ROS1: variants seen among roughly 807,000 people sequenced by gnomAD.
ROS1 encodes the protein proto-oncogene tyrosine-protein kinase ROS.
Under a neutral mutation model 273.5 loss-of-function variants are expected in ROS1, and 263 were observed. The ratio of observed to expected loss-of-function variants is 0.96; its 90% CI spans 0.87 to 1.06. The LOEUF (loss-of-function observed/expected upper bound fraction) is 1.06, where lower values mean the gene tolerates loss of function less well. Ranked by LOEUF, ROS1 falls within the 50% of genes least tolerant of loss-of-function variation. The pLI is 0.00. For synonymous variants in ROS1, 1,008 were observed against 954.1 expected (o/e 1.06, Z -1.04); for missense variants, 2,833 against 2,751.1 (o/e 1.03, Z -0.67).
chr6:117,390,858 G>A (rs1773011858), intron 12 of ROS1, among the ~76,000 whole-genome samples: 1 of 152,000 alleles, frequency 6.6e-6, no homozygotes, highest in East Asian at 1.9e-4. Context: ...TTTTAATAAT[G>A]AAAAAGAAAA....
chr6:117,321,712 C>T (rs1023654967), intron 35 of ROS1, among the ~76,000 whole-genome samples: 21 of 151,630 alleles, frequency 1.4e-4, no homozygotes, highest in Non-Finnish European at 2.2e-4. Flanking sequence ...CACCCATAAA[C>T]GAGTCAAAAT....
rs1337640959 is a variant in ROS1, at chr6:117,403,203, G to A, written c.540C>T (p.Ile180=). ...FTEYIFRVVW[I]FTAQLQLYSP... ...AGTAGAGCTGCAGCTGCGCTGTGAA[G>A]ATCCAAACCACTCGGAAAATGTACT... Residue 180 remains isoleucine (I), a synonymous_variant, in exon 7 of 44, where the codon ATC becomes ATT. Transcript: ENST00000368507. 6.2e-7 allele frequency: 1 copy of A among 1,612,106 alleles called. No homozygotes were observed. The highest frequency in any genetic ancestry group is 8.5e-7 in the Non-Finnish European group (1 of 1,179,620).
At chr6:117,294,655 T>G (rs1337531276) in intron 43 of ROS1, among the ~76,000 whole-genome samples, 2 of 152,196 alleles carry the variant, frequency 1.3e-5, no homozygotes, top group Admixed American at 1.3e-4. Flanking sequence ...AGTGCATTTC[T>G]ATATACCAAA....
chr6:117,397,829 CTG>C (rs1179057993), intron 7 of ROS1, among the ~76,000 whole-genome samples: 2 of 152,208 alleles, frequency 1.3e-5, no homozygotes. Context: ...TAGCTTCCAT[CTG>C]TGTCTCCACC....
At chr6:117,424,033 C>T (rs916123095) in intron 1 of ROS1, among the ~76,000 whole-genome samples, 2 of 151,962 alleles carry the variant, frequency 1.3e-5, no homozygotes, top group Non-Finnish European at 2.9e-5. Context: ...CTGTCTATTC[C>T]TACTGCCAAA....
At chr6:117,335,283 A>G (rs1452330094) in intron 32 of ROS1, among the ~76,000 whole-genome samples, 1 of 152,212 alleles carries the variant, frequency 6.6e-6, no homozygotes. Flanking sequence ...TCAAAACTAC[A>G]ATGAGATACC....
In ROS1 at chr6:117,318,187, C is replaced by A. The variant is rs201191777; in HGVS notation, c.5987+1G>T. 30 of 1,611,222 alleles carry A rather than the reference C, an allele frequency of 1.9e-5. No homozygotes were observed. Among genetic ancestry groups the A allele is most frequent in the Non-Finnish European group, 2.4e-5 (28 of 1,177,952 alleles). On this transcript the variant is annotated splice_donor_variant, in intron 38 of 43. Coordinates refer to ENST00000368507, the MANE Select transcript of ROS1 (RefSeq NM_001378902.1). LOFTEE classifies it high-confidence loss of function. The stretch of plus-strand genomic sequence containing the variant: ...CCAGGAGAAAATTATTTCAGAGCTA[C>A]CTCATCAGATGTGCCTCCTTCAGGA...
intron 1 of ROS1, among the ~76,000 whole-genome samples, chr6:117,419,553 CT>C (rs1468019649): frequency 6.6e-6 from 1 of 152,138 alleles, no homozygotes; most frequent in African/African-American, 2.4e-5. Flanking sequence ...AGTAAGAATT[CT>C]ATCTGTTAGA....
At chr6:117,422,981 G>T (rs1775869089) in intron 1 of ROS1, among the ~76,000 whole-genome samples, 1 of 151,806 alleles carries the variant, frequency 6.6e-6, no homozygotes, top group South Asian at 2.1e-4. Flanking sequence ...ATACTCCTGA[G>T]CCCTTCTCAA....
chr6:117,381,486 T>G (rs1479534848), intron 17 of ROS1, among the ~76,000 whole-genome samples: 5 of 152,054 alleles, frequency 3.3e-5, no homozygotes, highest in Admixed American at 3.3e-4. Flanking sequence ...TGAGAACATA[T>G]AGTATTTGGT....
At chr6:117,330,714 C>T (rs1777018543) in intron 32 of ROS1, among the ~76,000 whole-genome samples, 1 of 152,250 alleles carries the variant, frequency 6.6e-6, no homozygotes, top group East Asian at 1.9e-4. Context: ...CCCCAGCAAA[C>T]TGCAGCAGCC....
At chr6:117,300,482 GA>G (rs1309230062) in intron 43 of ROS1, among the ~76,000 whole-genome samples, 1 of 152,082 alleles carries the variant, frequency 6.6e-6, no homozygotes, top group African/African-American at 2.4e-5. Flanking sequence ...ACATACAAAT[GA>G]AAAGATACAC....
At chr6:117,414,404 A>T (rs1775175342) in intron 4 of ROS1, 115 bp downstream of exon 4, 1 of 671,622 alleles carries the variant, frequency 1.5e-6, no homozygotes, top group South Asian at 1.8e-5. Flanking sequence ...TTGAGGAAGA[A>T]TGTCTCAGTG....
chr6:117,395,584 C>G (rs1739971555), intron 9 of ROS1, among the ~76,000 whole-genome samples: 1 of 152,096 alleles, frequency 6.6e-6, no homozygotes, highest in South Asian at 2.1e-4. Context: ...CTCAAATTTC[C>G]AGTACTTCTT....
At chr6:117,309,180 A>G (rs1052469379) in intron 41 of ROS1, among the ~76,000 whole-genome samples, 1 of 152,236 alleles carries the variant, frequency 6.6e-6, no homozygotes, top group Non-Finnish European at 1.5e-5. Context: ...ACACAGAGAC[A>G]GACTCATATG....
At chr6:117,411,544 C>T (rs931230374) in intron 4 of ROS1, among the ~76,000 whole-genome samples, 5 of 152,084 alleles carry the variant, frequency 3.3e-5, no homozygotes, top group African/African-American at 1.2e-4. Context: ...TTGCTCTCTC[C>T]GTTCCCCCAC....
intron 18 of ROS1, among the ~76,000 whole-genome samples, chr6:117,371,998 A>T (rs2128671576): frequency 6.6e-6 from 1 of 152,296 alleles, no homozygotes; most frequent in Admixed American, 6.5e-5. Flanking sequence ...TGGTAGCTGA[A>T]GACAAAGGAC....
intron 31 of ROS1, among the ~76,000 whole-genome samples, chr6:117,337,879 A>G (rs1384783175): frequency 2.6e-5 from 4 of 152,104 alleles, no homozygotes; most frequent in African/African-American, 9.7e-5. Context: ...TTATTTTTAT[A>G]TACTGGAAGC....
At position 117,310,086 on chromosome 6, in the gene ROS1, A is replaced by G; in HGVS notation, c.6411T>C (p.Asp2137=). 6.2e-7 allele frequency: 1 copy of G among 1,612,658 alleles called. No individual in the cohort carries two copies. Among genetic ancestry groups the G allele is most frequent in the Non-Finnish European group, 8.5e-7 (1 of 1,178,898 alleles). The change falls in exon 41 of 44, where the codon GAT becomes GAC. Residue 2137 remains aspartate, a synonymous_variant. Coordinates refer to ENST00000368507, the MANE Select transcript of ROS1 (RefSeq NM_001378902.1). ...CTGTGTCCCGTTAAACTTACCATAC[A>G]TCAGATTGAGTAGTGAAGATTCCAT... ...LMDGIFTTQS[D]VWSFGILIWE...
Sources: gnomAD v4.1 joint callset for allele counts (sites outside exome capture counted in the v4.1 genomes callset) on GRCh38, gnomAD v4.1.1 for gene constraint, MANE v1.5 for transcripts, NCBI Gene and HGNC (gene_info 2026-07-23, HGNC 2026-07-21) for gene names.